The following CCDC102B variants were observed in gnomAD, a reference collection of about 807,000 sequenced individuals.
The protein encoded by CCDC102B is coiled-coil domain-containing protein 102B.
In CCDC102B, 75 loss-of-function variants were observed where a neutral mutation model predicts 57.4. That is an observed-to-expected ratio of 1.31 (90% confidence interval 1.08 to 1.58). The LOEUF is 1.58. Ranked by LOEUF, CCDC102B falls within the 40% of genes most tolerant of loss-of-function variation. The pLI, the probability that CCDC102B is intolerant of heterozygous loss-of-function variation, is 0.00. For missense variants in CCDC102B, 636 were observed against 582.6 expected (o/e 1.09, Z -0.94); for synonymous variants, 206 against 201.9 (o/e 1.02, Z -0.17).
chr18:69,033,126 T>C (rs554696576), intron 7 of CCDC102B, among the ~76,000 whole-genome samples: 2 of 152,218 alleles, frequency 1.3e-5, no homozygotes, highest in Non-Finnish European at 2.9e-5. Context: ...TTATTTAAGA[T>C]GATATTCTTA....
At chr18:68,988,252 A>T (rs532607286) in intron 6 of CCDC102B, among the ~76,000 whole-genome samples, 1 of 152,246 alleles carries the variant, frequency 6.6e-6, no homozygotes, top group South Asian at 2.1e-4. Context: ...AGCAACATGG[A>T]TGTAGCTGGA....
At chr18:69,029,198 A>T (rs2052073482) in intron 7 of CCDC102B, among the ~76,000 whole-genome samples, 1 of 152,152 alleles carries the variant, frequency 6.6e-6, no homozygotes, top group Non-Finnish European at 1.5e-5. Flanking sequence ...TTACCATTTT[A>T]TTAATTTATA....
intron 6 of CCDC102B, among the ~76,000 whole-genome samples, chr18:68,899,353 C>T (rs941015775): frequency 1.3e-5 from 2 of 151,936 alleles, no homozygotes; most frequent in Admixed American, 6.6e-5. Flanking sequence ...CAAAACCATA[C>T]TGTAGTTTTA....
intron 4 of CCDC102B, among the ~76,000 whole-genome samples, chr18:68,870,722 T>C (rs550708746): frequency 5.4e-4 from 82 of 152,174 alleles, no homozygotes; most frequent in Non-Finnish European, 1.0e-3. Context: ...AGATTTGGTG[T>C]TCGGGGAGAT....
intron 6 of CCDC102B, among the ~76,000 whole-genome samples, chr18:68,938,870 T>G (rs2049310590): frequency 6.6e-6 from 1 of 151,606 alleles, no homozygotes; most frequent in Non-Finnish European, 1.5e-5. Context: ...CCAATAAAGG[T>G]TTATTTAGTA....
chr18:68,782,253 G>A (rs2035029375), intron 2 of CCDC102B, among the ~76,000 whole-genome samples: 1 of 151,696 alleles, frequency 6.6e-6, no homozygotes, highest in African/African-American at 2.4e-5. Flanking sequence ...TACTTATTTG[G>A]TGCATTTTAG....
At chr18:69,026,277 C>T (rs918611216) in intron 7 of CCDC102B, among the ~76,000 whole-genome samples, 1 of 151,990 alleles carries the variant, frequency 6.6e-6, no homozygotes, top group African/African-American at 2.4e-5. Context: ...ACCAGCCTGA[C>T]CAATACGGTG....
At chr18:68,841,005 A>G (rs1376747175) in intron 3 of CCDC102B, among the ~76,000 whole-genome samples, 1 of 152,210 alleles carries the variant, frequency 6.6e-6, no homozygotes, top group Non-Finnish European at 1.5e-5. Context: ...CTCCTCTTTT[A>G]AGAAACAATC....
intron 2 of CCDC102B, among the ~76,000 whole-genome samples, chr18:68,735,268 A>G (rs2033076224): frequency 6.6e-6 from 1 of 151,934 alleles, no homozygotes; most frequent in Admixed American, 6.6e-5. Flanking sequence ...CATGTTGGCC[A>G]GGATGGTCTC....
chr18:68,966,070 C>T (rs1007919060), intron 6 of CCDC102B, among the ~76,000 whole-genome samples: 11 of 152,138 alleles, frequency 7.2e-5, no homozygotes, highest in African/African-American at 2.7e-4. Flanking sequence ...GTGGTCTCCA[C>T]GAACACTGTG....
At chr18:69,031,874 A>C (rs78302273) in intron 7 of CCDC102B, among the ~76,000 whole-genome samples, 4,504 of 152,276 alleles carry the variant, frequency 0.03, 147 homozygotes, top group East Asian at 0.16. Context: ...AAAATCAAGT[A>C]GGTTCATTCT....
intron 6 of CCDC102B, among the ~76,000 whole-genome samples, chr18:68,985,644 A>G (rs991600439): frequency 6.6e-6 from 1 of 152,164 alleles, no homozygotes; most frequent in African/African-American, 2.4e-5. Context: ...CTCTACTCAG[A>G]TGAGAGAGCT....
At chr18:68,741,381 A>G (rs1034894453) in intron 2 of CCDC102B, among the ~76,000 whole-genome samples, 2 of 152,170 alleles carry the variant, frequency 1.3e-5, no homozygotes, top group Non-Finnish European at 2.9e-5. Flanking sequence ...GCGACGGATT[A>G]CATTTCCTCC....
At chr18:69,038,200 A>C (rs2145464147) in intron 7 of CCDC102B, among the ~76,000 whole-genome samples, 1 of 152,018 alleles carries the variant, frequency 6.6e-6, no homozygotes, top group South Asian at 2.1e-4. Context: ...AATAGCATAA[A>C]ATGGCGCCAT....
intron 5 of CCDC102B, among the ~76,000 whole-genome samples, chr18:68,880,994 C>G (rs528798662): frequency 6.6e-6 from 1 of 152,254 alleles, no homozygotes; most frequent in East Asian, 1.9e-4. Context: ...GAAAAATTAT[C>G]TTCTGTTCAT....
intron 6 of CCDC102B, among the ~76,000 whole-genome samples, chr18:68,971,371 A>G (rs1230277773): frequency 6.6e-6 from 1 of 152,100 alleles, no homozygotes; most frequent in Non-Finnish European, 1.5e-5. Context: ...TTCATCAATT[A>G]TATCTTCCCA....
At chr18:68,883,058 G>A (rs1442186321) in intron 5 of CCDC102B, among the ~76,000 whole-genome samples, 1 of 152,132 alleles carries the variant, frequency 6.6e-6, no homozygotes, top group East Asian at 1.9e-4. Flanking sequence ...GAAATAATCT[G>A]TTTAACAAAC....
At chr18:69,012,629 C>CT (rs367599843) in intron 7 of CCDC102B, among the ~76,000 whole-genome samples, 1,576 of 148,510 alleles carry the variant, frequency 0.011, 25 homozygotes, top group African/African-American at 0.035. Context: ...TGGCGTGTTT[C>CT]TTTTTTTTTT....
At chr18:69,021,826 A>G (rs528048445) in intron 7 of CCDC102B, among the ~76,000 whole-genome samples, 5 of 152,318 alleles carry the variant, frequency 3.3e-5, no homozygotes, top group African/African-American at 1.2e-4. Context: ...AAGTGAACAC[A>G]TGTCCAGCAA....
Sources: gnomAD v4.1 joint callset for allele counts (sites outside exome capture counted in the v4.1 genomes callset) on GRCh38, gnomAD v4.1.1 for gene constraint, MANE v1.5 for transcripts, NCBI Gene and HGNC (gene_info 2026-07-23, HGNC 2026-07-21) for gene names.